The following TACC1 variants were observed in gnomAD, a reference collection of about 807,000 sequenced individuals.
TACC1 encodes the protein transforming acidic coiled-coil-containing protein 1.
A neutral mutation model predicts 84.4 loss-of-function variants in TACC1; 48 were observed. That is an observed-to-expected ratio of 0.57 (90% CI 0.45 to 0.72). The LOEUF (loss-of-function observed/expected upper bound fraction) is 0.72, where lower values mean the gene tolerates loss of function less well. Among genes scored for constraint, TACC1 ranks in the 30% least tolerant of loss-of-function variants. The pLI is 0.00. For synonymous variants in TACC1, 372 were observed against 376.3 expected (o/e 0.99, Z 0.13); for missense variants, 920 against 973.0 (o/e 0.95, Z 0.72).
chr8:38,819,441 G>A, intron 2 of TACC1, 81 bp from the exon 3 acceptor site: 1 of 1,441,336 alleles, frequency 6.9e-7, no homozygotes. Flanking sequence ...CTTGCTATTT[G>A]TTTATATGAA....
At chr8:38,775,277 A>T (rs145025065) in intron 3 of TACC1, among the ~76,000 whole-genome samples, 5 of 152,346 alleles carry the variant, frequency 3.3e-5, no homozygotes, top group Non-Finnish European at 4.4e-5. Flanking sequence ...TCTTCCAAAA[A>T]GAATGATATT....
rs762167546 is a variant in TACC1 at position 38,787,577 on chromosome 8, G to A, written c.-6G>A. On this transcript the variant is annotated 5_prime_UTR_variant, in exon 1 of 13. Coordinates refer to ENST00000317827, the MANE Select transcript of TACC1 (RefSeq NM_006283.3). ...CCTAGGAGCTGGAGCCGGAGGAGCC[G>A]CGCTCATGGCGTTCAGCCCGTGGCA... 2.0e-6 allele frequency: 3 copies of A among 1,536,434 alleles called. No individual in the cohort carries two copies. Among genetic ancestry groups the A allele is most frequent in the Non-Finnish European group, 2.6e-6 (3 of 1,140,650 alleles).
intron 2 of TACC1, among the ~76,000 whole-genome samples, chr8:38,808,032 T>G (rs892699982): frequency 6.6e-6 from 1 of 152,180 alleles, no homozygotes; most frequent in Admixed American, 6.5e-5. Context: ...GGGCCAGAAG[T>G]GGAAATTTTG....
At chr8:38,811,132 T>C (rs1026229091) in intron 2 of TACC1, among the ~76,000 whole-genome samples, 8 of 151,366 alleles carry the variant, frequency 5.3e-5, no homozygotes, top group African/African-American at 1.9e-4. Context: ...ATAAATAAAG[T>C]ATAACAATGT....
chr8:38,777,291 T>C (rs1257065774), intron 3 of TACC1, among the ~76,000 whole-genome samples: 1 of 150,228 alleles, frequency 6.7e-6, no homozygotes, highest in African/African-American at 2.4e-5. Context: ...GACTTTTCTC[T>C]CTCATGGAAC....
chr8:38,831,125 G>C lies in TACC1; in HGVS notation c.1661G>C (p.Gly554Ala), dbSNP rs1318548183. 6.2e-7 allele frequency: 1 copy of C among 1,614,032 alleles called. No homozygotes were observed. Among genetic ancestry groups the C allele is most frequent in the African/African-American group, 1.3e-5 (1 of 74,924 alleles). ...INHAFSSSEA[G>A]IEKETCQKME... ...CTATAAAAATGACTTTCTGTCTTAG[G>C]CATAGAGAAGGAGACGTGCCAGAAG... The change falls in exon 6 of 13, where the codon GGC (glycine) becomes GCC (alanine). Residue 554 changes from glycine (G) to alanine (A), a missense_variant and splice_region_variant. Gly to Ala is a moderately conservative substitution (Grantham distance 60). Around this residue, in one of 2 missense-constraint regions of TACC1, gnomAD observed 762 missense variants for 747.3 expected, o/e 1.02. Transcript: ENST00000317827.
At chr8:38,801,666 T>C (rs1046702675) in intron 2 of TACC1, among the ~76,000 whole-genome samples, 4 of 152,182 alleles carry the variant, frequency 2.6e-5, no homozygotes, top group Admixed American at 2.6e-4. Context: ...GCCTCCAAAT[T>C]TGTTCATTTT....
At chr8:38,800,159 G>A (rs983519849) in intron 2 of TACC1, among the ~76,000 whole-genome samples, 2 of 152,162 alleles carry the variant, frequency 1.3e-5, no homozygotes, top group Non-Finnish European at 2.9e-5. Context: ...AATCTGTGTG[G>A]TATAGTTGAA....
chr8:38,842,285 A>G lies in TACC1; in HGVS notation c.1961-2A>G, dbSNP rs111353090. ...TCATTCCTTTTGACTTGTGATTCCCAGAAGATGAACAAAGGACAAGTATGA... is the reference window on the plus strand; with the variant it reads ...TCATTCCTTTTGACTTGTGATTCCCGGAAGATGAACAAAGGACAAGTATGA... On this transcript the variant is annotated splice_acceptor_variant, in intron 9 of 12. Transcript: ENST00000317827. LOFTEE classifies it high-confidence loss of function. 2.1e-5 allele frequency: 33 copies of G among 1,604,994 alleles called. No individual in the cohort carries two copies. In the African/African-American group the frequency reaches 2.2e-4, roughly 10 times the overall value.
chr8:38,803,688 A>G (rs1821961230), intron 2 of TACC1, among the ~76,000 whole-genome samples: 1 of 151,964 alleles, frequency 6.6e-6, no homozygotes, highest in Non-Finnish European at 1.5e-5. Context: ...GGATTTTTGC[A>G]TCTATATTCA....
chr8:38,733,303 C>T (rs1563738334), intron 1 of TACC1, among the ~76,000 whole-genome samples: 1 of 146,328 alleles, frequency 6.8e-6, no homozygotes, highest in Admixed American at 6.9e-5. Context: ...AATTGATCCT[C>T]TTTTTTTTTT....
upstream of TACC1, chr8:38,787,217 C>T (rs1179933967): frequency 7.0e-6 from 7 of 995,376 alleles, no homozygotes; most frequent in Non-Finnish European, 8.4e-6. Flanking sequence ...TGATGCGCGC[C>T]CCGCCGGCCG....
rs766193626 is a variant in TACC1, at chr8:38,849,619, C to T, written c.*1596C>T. 6.6e-5 allele frequency: 10 copies of T among 152,332 alleles called. No individual in the cohort carries two copies. The highest frequency in any genetic ancestry group is 1.5e-4 in the Non-Finnish European group (10 of 68,032). The allele number at this position is 152,332 out of a possible 1,614,324, so 9.4% of individuals were successfully genotyped here. On this transcript the variant is annotated 3_prime_UTR_variant, in exon 13 of 13. Transcript: ENST00000317827. ...TGAATTATTCTTTAGCAGTGTATTA[C>T]TCACATGGGTGCAATCTTTAGCCCC...
chr8:38,784,913 G>A (rs1410944231), upstream of TACC1, among the ~76,000 whole-genome samples: 1 of 152,122 alleles, frequency 6.6e-6, no homozygotes, highest in Non-Finnish European at 1.5e-5. Context: ...CTTACATCCT[G>A]GTCTTCTGGA....
intron 3 of TACC1, among the ~76,000 whole-genome samples, chr8:38,779,575 T>C (rs1243096529): frequency 6.6e-6 from 1 of 152,264 alleles, no homozygotes; most frequent in South Asian, 2.1e-4. Context: ...TTCCTTATAC[T>C]GAAGAATTTT....
Position 38,820,397 on chromosome 8 carries a change from G to A in TACC1, c.1153G>A (p.Asp385Asn). Residue 385 changes from aspartate (D) to asparagine (N), a missense_variant, in exon 3 of 13, where the codon GAT (aspartate) becomes AAT (asparagine). Transcript: ENST00000317827. ...TCTCTCCCAAACATCTTCCAAGCCA[G>A]ATCCTAGTCAGTGGGAAAGCCCCAG... Reference protein sequence around the residue: ...GPLSQTSSKPDPSQWESPSFN... With the variant: ...GPLSQTSSKPNPSQWESPSFN... The A allele has an allele frequency of 6.2e-7, 1 of 1,614,130 alleles. No individual in the cohort carries two copies.
At chr8:38,764,186 T>A (rs965029874) in intron 3 of TACC1, among the ~76,000 whole-genome samples, 10 of 152,138 alleles carry the variant, frequency 6.6e-5, no homozygotes, top group Non-Finnish European at 8.8e-5. Flanking sequence ...CAAGCAATTC[T>A]CCTGCCTCAG....
At chr8:38,763,837 G>A (rs1811695462) in intron 3 of TACC1, among the ~76,000 whole-genome samples, 1 of 151,814 alleles carries the variant, frequency 6.6e-6, no homozygotes, top group Non-Finnish European at 1.5e-5. Context: ...TGATATTTAG[G>A]TTGGTTATCA....
rs1353091482 is a variant in TACC1, at chr8:38,788,807, G to T, written c.265G>T (p.Ala89Ser). Residue 89 changes from alanine (A) to serine (S), a missense_variant, in exon 2 of 13, where the codon GCC (alanine) becomes TCC (serine). Coordinates refer to ENST00000317827, the MANE Select transcript of TACC1 (RefSeq NM_006283.3). ...DPSLGLAGPGAKSQESQEADE... is the reference protein window; with the variant it reads ...DPSLGLAGPGSKSQESQEADE... ...ATCACTCGGATTGGCAGGACCTGGG[G>T]CCAAAAGCCAAGGTAAAGAAAAACT... 1 of 1,606,770 alleles carries T rather than the reference G, an allele frequency of 6.2e-7. No individual in the cohort carries two copies. The highest frequency in any genetic ancestry group is 1.3e-5 in the African/African-American group (1 of 74,522).
Sources: gnomAD v4.1 joint callset for allele counts (sites outside exome capture counted in the v4.1 genomes callset) on GRCh38, gnomAD v4.1.1 for gene constraint, gnomAD v4.1.1 regional missense constraint, MANE v1.5 for transcripts, NCBI Gene and HGNC (gene_info 2026-07-23, HGNC 2026-07-21) for gene names.